PKP4: variants seen among roughly 807,000 people sequenced by gnomAD.
PKP4 encodes the protein plakophilin-4.
A neutral mutation model predicts 145.1 loss-of-function variants in PKP4; 90 were observed. The observed-to-expected ratio is 0.62, with a 90% CI of 0.52 to 0.74. The LOEUF (loss-of-function observed/expected upper bound fraction) is 0.74, where lower values mean the gene tolerates loss of function less well. Among genes scored for constraint, PKP4 ranks in the 30% least tolerant of loss-of-function variants. The pLI, the probability that PKP4 is intolerant of heterozygous loss-of-function variation, is 0.00. For missense variants in PKP4, 1,340 were observed against 1,482.7 expected, an observed-to-expected ratio of 0.90 and a Z score of 1.58; for synonymous variants, 563 against 577.2, an observed-to-expected ratio of 0.98 and a Z score of 0.35.
chr2:158,500,082 G>A (rs912568132), intron 1 of PKP4, among the ~76,000 whole-genome samples: 2 of 152,160 alleles, frequency 1.3e-5, no homozygotes, highest in African/African-American at 4.8e-5. Context: ...AGTATATAAG[G>A]TAATTTAGTG....
intron 1 of PKP4, among the ~76,000 whole-genome samples, chr2:158,506,515 A>G (rs1335528729): frequency 6.6e-6 from 1 of 152,184 alleles, no homozygotes; most frequent in African/African-American, 2.4e-5. Context: ...AAATGTTTAG[A>G]TATGTGTCAA....
At position 158,650,485 on chromosome 2, in the gene PKP4, G is replaced by A. The variant is rs182371838; in HGVS notation, c.1910-7646G>A. Reference sequence around the variant, plus strand: ...GATCCACCTTTATGCCTGCAAAATCGCAGAGACTCGGGCTAACCCTTATAT... The same window carrying A: ...GATCCACCTTTATGCCTGCAAAATCACAGAGACTCGGGCTAACCCTTATAT... On this transcript the variant is annotated intron_variant, in intron 11 of 21. Transcript: ENST00000389759. 8.5e-5 allele frequency among the ~76,000 whole-genome samples: 13 copies of A among 152,254 alleles called. 1 individual carries two copies. The highest frequency in any genetic ancestry group is 7.2e-4 in the Admixed American group (11 of 15,308).
At chr2:158,678,910 C>G (rs1449209175) in intron 21 of PKP4, 1 of 527,822 alleles carries the variant, frequency 1.9e-6, no homozygotes, top group Non-Finnish European at 3.4e-6. Context: ...GTCTTTAGTT[C>G]ATGTCTTTTG....
chr2:158,658,559 G>A (rs2056223965), intron 12 of PKP4: 1 of 358,452 alleles, frequency 2.8e-6, no homozygotes, highest in Admixed American at 4.7e-5. Flanking sequence ...TTCAGTCTAA[G>A]ATTACTGCCA....
At chr2:158,615,523 C>T (rs1019488567) in intron 4 of PKP4, among the ~76,000 whole-genome samples, 1 of 151,868 alleles carries the variant, frequency 6.6e-6, no homozygotes, top group Non-Finnish European at 1.5e-5. Flanking sequence ...AATTAGTATC[C>T]AGACTAAAAA....
rs569578917 is a variant in PKP4 at position 158,586,327 on chromosome 2, A to G, written c.245+8944A>G. 1.7e-3 allele frequency among the ~76,000 whole-genome samples: 260 copies of G among 152,302 alleles called. 1 individual carries two copies. In the Middle Eastern group the frequency reaches 0.027, roughly 16 times the overall value. On this transcript the variant is annotated intron_variant, in intron 3 of 21. Coordinates refer to ENST00000389759, the MANE Select transcript of PKP4 (RefSeq NM_003628.6). ...GAGATTCCCCTTGGCCTGTCCACCC[A>G]TCCTCCCAGTCTGTCATGTGGGCTT...
intron 6 of PKP4, 23 bp downstream of exon 6, chr2:158,621,444 T>G (rs1432767678): frequency 6.2e-7 from 1 of 1,603,898 alleles, no homozygotes; most frequent in Admixed American, 1.7e-5. Context: ...CATCAAGATC[T>G]CTGCAAAGAA....
At chr2:158,472,864 CAG>C (rs1261822519) in intron 1 of PKP4, among the ~76,000 whole-genome samples, 12 of 152,060 alleles carry the variant, frequency 7.9e-5, no homozygotes, top group Non-Finnish European at 1.3e-4. Context: ...CCATTTACAA[CAG>C]AGTAATGGGA....
intron 2 of PKP4, among the ~76,000 whole-genome samples, chr2:158,538,497 A>G (rs948390294): frequency 1.2e-4 from 17 of 137,692 alleles, no homozygotes; most frequent in African/African-American, 4.7e-4. Context: ...TGAGATCTCT[A>G]TTTGAACTTG....
intron 2 of PKP4, among the ~76,000 whole-genome samples, chr2:158,571,941 A>T (rs1255934718): frequency 1.3e-5 from 2 of 152,226 alleles, no homozygotes; most frequent in African/African-American, 2.4e-5. Context: ...GGAAGATGGT[A>T]TCCTTGTGAC....
At chr2:158,536,822 C>T (rs1396815425) in intron 2 of PKP4, among the ~76,000 whole-genome samples, 1 of 152,166 alleles carries the variant, frequency 6.6e-6, no homozygotes, top group Non-Finnish European at 1.5e-5. Context: ...TCAAACGCTG[C>T]GTTTTTGATG....
intron 2 of PKP4, among the ~76,000 whole-genome samples, chr2:158,562,516 A>G (rs2046622610): frequency 6.6e-6 from 1 of 152,138 alleles, no homozygotes; most frequent in African/African-American, 2.4e-5. Context: ...TTGTTTTTTC[A>G]GTTTGGGATG....
chr2:158,618,657 T>G (rs538367733), intron 4 of PKP4, among the ~76,000 whole-genome samples: 1 of 152,298 alleles, frequency 6.6e-6, no homozygotes, highest in South Asian at 2.1e-4. Context: ...TGTTACATGG[T>G]TTCTGAGAAT....
rs75268610 is a variant in PKP4, at chr2:158,493,904, A to G, written c.-6+36686A>G. ...GGACCCCTTTTTTCAGTCTTCTTTC[A>G]TTCTCCAGTGTGATTATTGATTGCA... On this transcript the variant is annotated intron_variant, in intron 1 of 21. Transcript: ENST00000389759. 5.0e-3 allele frequency among the ~76,000 whole-genome samples: 760 copies of G among 151,770 alleles called. 1 individual carries two copies. The highest frequency in any genetic ancestry group is 0.016 in the African/African-American group (669 of 41,308).
chr2:158,545,664 C>A (rs1418769079), intron 2 of PKP4, among the ~76,000 whole-genome samples: 1 of 152,102 alleles, frequency 6.6e-6, no homozygotes, highest in African/African-American at 2.4e-5. Context: ...TGCATATTTA[C>A]CCCCTAGGTT....
At chr2:158,677,916 C>T (rs773895141) in intron 20 of PKP4, among the ~76,000 whole-genome samples, 3 of 152,136 alleles carry the variant, frequency 2.0e-5, no homozygotes, top group African/African-American at 4.8e-5. Flanking sequence ...GCCTCAACTA[C>T]GTTTCATTTT....
intron 6 of PKP4, 58 bp from the exon 7 acceptor site, chr2:158,624,820 G>A: frequency 7.5e-7 from 1 of 1,341,136 alleles, no homozygotes; most frequent in Non-Finnish European, 1.0e-6. Flanking sequence ...CTTTTGTAAT[G>A]GCAATGAACA....
At chr2:158,528,235 T>C (rs369899980) in intron 1 of PKP4, among the ~76,000 whole-genome samples, 33 of 150,484 alleles carry the variant, frequency 2.2e-4, no homozygotes, top group East Asian at 9.8e-4. Context: ...TTGGAACCAA[T>C]CCAAATGTCC....
intron 1 of PKP4, among the ~76,000 whole-genome samples, chr2:158,463,387 T>C (rs1452640870): frequency 6.6e-6 from 1 of 151,860 alleles, no homozygotes; most frequent in Admixed American, 6.6e-5. Flanking sequence ...TAAGCTGGCT[T>C]TTCTGTCTGA....
Sources: allele counts gnomAD v4.1 joint callset (sites outside exome capture counted in the v4.1 genomes callset), GRCh38; gene constraint gnomAD v4.1.1; transcripts MANE v1.5; gene names NCBI Gene and HGNC (gene_info 2026-07-23, HGNC 2026-07-21).